DAB1: variants seen among roughly 807,000 people sequenced by gnomAD.
DAB1 encodes the protein disabled homolog 1.
A neutral mutation model predicts 64.6 loss-of-function variants in DAB1; 15 were observed. The ratio of observed to expected loss-of-function variants is 0.23; its 90% CI spans 0.16 to 0.36. DAB1 has a LOEUF of 0.36. Among genes scored for constraint, DAB1 ranks in the 10% least tolerant of loss-of-function variants. The pLI, the probability that DAB1 is intolerant of heterozygous loss-of-function variation, is 1.00. For missense variants in DAB1, 596 were observed against 706.7 expected (o/e 0.84, Z 1.78); for synonymous variants, 235 against 251.9 (o/e 0.93, Z 0.64).
chr1:58,224,783 T>C (rs1325107501), intron 4 of DAB1, among the ~76,000 whole-genome samples: 2 of 152,152 alleles, frequency 1.3e-5, no homozygotes, highest in Admixed American at 1.3e-4. Context: ...ACTGGATCCC[T>C]TCCTTACACC....
chr1:58,016,762 C>A (rs145394029), intron 5 of DAB1, among the ~76,000 whole-genome samples: 2 of 152,154 alleles, frequency 1.3e-5, no homozygotes, highest in African/African-American at 2.4e-5. Flanking sequence ...CTGTAATAAG[C>A]TATGTACTAT....
chr1:57,978,905 A>G (rs945052215), intron 5 of DAB1, among the ~76,000 whole-genome samples: 3 of 152,186 alleles, frequency 2.0e-5, no homozygotes, highest in Admixed American at 1.3e-4. Context: ...TTAAAACATC[A>G]GGAAACAACA....
intron 1 of DAB1, among the ~76,000 whole-genome samples, chr1:57,384,553 T>A (rs756149391): frequency 5.9e-5 from 9 of 152,214 alleles, no homozygotes; most frequent in Non-Finnish European, 1.2e-4. Flanking sequence ...CCAAGTGTGA[T>A]AAATATATAC....
intron 6 of DAB1, among the ~76,000 whole-genome samples, chr1:57,652,924 C>T (rs2101657453): frequency 1.3e-5 from 2 of 152,332 alleles, no homozygotes; most frequent in East Asian, 3.9e-4. Context: ...GGTTTGGACA[C>T]AGGCTCTGAC....
At position 58,137,088 on chromosome 1, in the gene DAB1, GA is replaced by G. The variant is rs140376860; in HGVS notation, n.387+13422del. 1.8e-3 allele frequency among the ~76,000 whole-genome samples: 256 copies of G among 139,706 alleles called. 1 individual carries two copies. Among genetic ancestry groups the G allele is most frequent in the Admixed American group, 3.4e-3 (48 of 14,114 alleles). 91.7% of individuals were successfully genotyped at this position (139,706 alleles called of 152,430 possible). A position where few individuals can be genotyped will look rare whatever the true frequency, so the allele number is the denominator to read the frequency against. On this transcript the variant is annotated intron_variant and non_coding_transcript_variant, in intron 5 of 20. Transcript: ENST00000485760. The stretch of plus-strand genomic sequence containing the variant: ...GTGTGTTTCTCTGCTTTGGTCTCTA[GA>G]AAAAAAAAAACTAAATTTACATATA...
chr1:57,785,385 C>A (rs1650294234), intron 6 of DAB1, among the ~76,000 whole-genome samples: 2 of 152,098 alleles, frequency 1.3e-5, no homozygotes, highest in African/African-American at 4.8e-5. Flanking sequence ...GATATGGATG[C>A]ATAGAGAGTA....
chr1:58,292,563 A>T (rs914397154), intron 4 of DAB1, among the ~76,000 whole-genome samples: 2 of 152,126 alleles, frequency 1.3e-5, no homozygotes, highest in Non-Finnish European at 1.5e-5. Context: ...AAAAGACCAG[A>T]TGGTGTGGTG....
intron 7 of DAB1, among the ~76,000 whole-genome samples, chr1:57,470,459 C>T (rs2101204626): frequency 6.6e-6 from 1 of 152,286 alleles, no homozygotes; most frequent in African/African-American, 2.4e-5. Context: ...TATATCACAA[C>T]ACAATTGCTA....
upstream of DAB1, among the ~76,000 whole-genome samples, chr1:57,426,876 T>TATATATATATATATATATATATA (rs1383757354): frequency 2.9e-3 from 389 of 134,790 alleles, 6 homozygotes; most frequent in South Asian, 4.0e-3. Context: ...ATATATATAT[T>TATATATATATATATATATATATA]TTTTTGAGAC....
At chr1:58,052,976 G>A (rs1647783206) in intron 5 of DAB1, among the ~76,000 whole-genome samples, 1 of 152,216 alleles carries the variant, frequency 6.6e-6, no homozygotes, top group South Asian at 2.1e-4. Flanking sequence ...GTGCTAGCTT[G>A]TAGAGGTCAC....
chr1:57,024,184 C>T (rs958217518), intron 10 of DAB1, among the ~76,000 whole-genome samples: 2 of 152,020 alleles, frequency 1.3e-5, no homozygotes, highest in African/African-American at 4.8e-5. Flanking sequence ...CCGCCACACC[C>T]CCCGTCAGCG....
intron 1 of DAB1, among the ~76,000 whole-genome samples, chr1:57,310,697 C>A (rs559018498): frequency 8.2e-4 from 125 of 152,242 alleles, no homozygotes; most frequent in African/African-American, 2.9e-3. Context: ...TCCCACTAAC[C>A]CTGCTCCCAT....
At chr1:57,980,378 A>G (rs1284018372) in intron 5 of DAB1, among the ~76,000 whole-genome samples, 1 of 152,168 alleles carries the variant, frequency 6.6e-6, no homozygotes, top group East Asian at 1.9e-4. Flanking sequence ...CACTTTTCCC[A>G]AGCACTTCCT....
chr1:57,453,966 G>A (rs1452576410), intron 7 of DAB1, among the ~76,000 whole-genome samples: 1 of 152,090 alleles, frequency 6.6e-6, no homozygotes, highest in African/African-American at 2.4e-5. Context: ...CCCTGTTGAA[G>A]CAACCCCTCC....
At chr1:58,425,308 T>G (rs1475458693) in intron 3 of DAB1, among the ~76,000 whole-genome samples, 2 of 152,174 alleles carry the variant, frequency 1.3e-5, no homozygotes, top group African/African-American at 2.4e-5. Flanking sequence ...GGAGCCAACA[T>G]GAAAGACAAG....
intron 2 of DAB1, among the ~76,000 whole-genome samples, chr1:57,165,037 C>T (rs1237702758): frequency 6.6e-6 from 1 of 152,276 alleles, no homozygotes. Flanking sequence ...CCCTAATTCT[C>T]CCTCCTTAGC....
intron 6 of DAB1, among the ~76,000 whole-genome samples, chr1:57,684,505 A>G (rs917187859): frequency 1.3e-5 from 2 of 152,202 alleles, no homozygotes; most frequent in Non-Finnish European, 1.5e-5. Context: ...TCTAACCAAT[A>G]ATTTCATATC....
At chr1:57,169,258 C>T (rs1661498658) in intron 2 of DAB1, among the ~76,000 whole-genome samples, 1 of 152,128 alleles carries the variant, frequency 6.6e-6, no homozygotes, top group Admixed American at 6.5e-5. Flanking sequence ...TAGAGAAACC[C>T]ACTCTTCAAC....
intron 2 of DAB1, among the ~76,000 whole-genome samples, chr1:57,168,828 A>G (rs1700012): frequency 0.058 from 8,856 of 152,214 alleles, 842 homozygotes; most frequent in African/African-American, 0.2. Flanking sequence ...AGCCAAGGCA[A>G]GAGGATCATT....
Sources: gnomAD v4.1 joint callset for allele counts (sites outside exome capture counted in the v4.1 genomes callset) on GRCh38, gnomAD v4.1.1 for gene constraint, MANE v1.5 for transcripts, NCBI Gene and HGNC (gene_info 2026-07-23, HGNC 2026-07-21) for gene names.